SHISA9: variants seen among roughly 807,000 people sequenced by gnomAD.
SHISA9 encodes protein shisa-9.
In SHISA9, 13 loss-of-function variants were observed where a neutral mutation model predicts 38.0. The ratio of observed to expected loss-of-function variants is 0.34; its 90% CI spans 0.22 to 0.54. The LOEUF (loss-of-function observed/expected upper bound fraction) is 0.54, where lower values mean the gene tolerates loss of function less well. Ranked by LOEUF, SHISA9 falls within the 20% of genes least tolerant of loss-of-function variation. SHISA9 has a pLI of 0.91. For missense variants in SHISA9, 538 were observed against 575.8 expected, an observed-to-expected ratio of 0.93 and a Z score of 0.67; for synonymous variants, 275 against 242.0, an observed-to-expected ratio of 1.14 and a Z score of -1.27.
chr16:13,239,224 T>C lies in SHISA9; in HGVS notation c.*3815T>C, dbSNP rs2051414835. ...GTGTATATGTGCCACATTTTCTTAA[T>C]CCAGTCTATCCTTGTTGGACTTTTG... is the stretch of plus-strand genomic sequence containing the variant. On this transcript the variant is annotated 3_prime_UTR_variant, in exon 5 of 5. Coordinates refer to ENST00000558583, the MANE Select transcript of SHISA9 (RefSeq NM_001145204.3). The C allele has an allele frequency of 6.6e-6, 1 of 152,044 alleles. No individual in the cohort carries two copies. The highest frequency in any genetic ancestry group is 1.5e-5 in the Non-Finnish European group (1 of 68,018). 9.4% of individuals were successfully genotyped at this position (152,044 alleles called of 1,614,324 possible).
chr16:13,401,882 G>A, the SHISA9 span, among the ~76,000 whole-genome samples: 1 of 152,100 alleles, frequency 6.6e-6, no homozygotes, highest in African/African-American at 2.4e-5. Context: ...GCCAGGAGAA[G>A]CAAAGGTGGC....
At chr16:13,517,943 A>G in the SHISA9 span, among the ~76,000 whole-genome samples, 1 of 152,140 alleles carries the variant, frequency 6.6e-6, no homozygotes, top group South Asian at 2.1e-4. Context: ...GGCAGGCACC[A>G]TTTACAGAAT....
At chr16:12,925,324 G>A (rs1051527348) in intron 2 of SHISA9, among the ~76,000 whole-genome samples, 5 of 152,074 alleles carry the variant, frequency 3.3e-5, no homozygotes, top group Non-Finnish European at 1.5e-5. Context: ...TAAAACACAT[G>A]AGCTTTTGTT....
chr16:13,027,247 T>C (rs987280890), intron 2 of SHISA9, among the ~76,000 whole-genome samples: 3 of 152,234 alleles, frequency 2.0e-5, no homozygotes, highest in Admixed American at 6.5e-5. Flanking sequence ...ATCAATATTC[T>C]TTCAGTTATA....
chr16:13,123,130 A>T lies in SHISA9; in HGVS notation c.692-80264A>T, dbSNP rs73520683. 7.8e-3 allele frequency among the ~76,000 whole-genome samples: 1,184 copies of T among 151,012 alleles called. 11 individuals are homozygous for T. Among genetic ancestry groups the T allele is most frequent in the African/African-American group, 0.027 (1,129 of 41,276 alleles). Reference sequence around the variant, plus strand: ...ATGTAATGCAAATAAACAGGATAGAACTAGGATTTGAGAACTAGGATATCT... The same window carrying T: ...ATGTAATGCAAATAAACAGGATAGATCTAGGATTTGAGAACTAGGATATCT... On this transcript the variant is annotated intron_variant, in intron 2 of 4. Transcript: ENST00000558583.
chr16:13,143,660 C>T (rs1052172007), intron 2 of SHISA9, among the ~76,000 whole-genome samples: 1 of 152,182 alleles, frequency 6.6e-6, no homozygotes, highest in African/African-American at 2.4e-5. Flanking sequence ...CCATTGAAGA[C>T]AAGAGCCAGC....
chr16:13,393,383 C>G, the SHISA9 span, among the ~76,000 whole-genome samples: 31 of 152,324 alleles, frequency 2.0e-4, 1 homozygote, highest in African/African-American at 7.2e-4. Flanking sequence ...CCAAATGTCT[C>G]ACCAACTTTC....
the SHISA9 span, among the ~76,000 whole-genome samples, chr16:13,345,710 C>A: frequency 1.3e-5 from 2 of 152,082 alleles, no homozygotes; most frequent in Non-Finnish European, 2.9e-5. Context: ...AATTTACATT[C>A]CCACCAACAG....
In SHISA9 at chr16:13,059,542, C is replaced by G. The variant is rs544049928; in HGVS notation, c.691+142727C>G. ...AGGTTCAGGTGGGGAGGGAGAGCAT[C>G]AGGATAAACAGCAAATACATGCGGG... On this transcript the variant is annotated intron_variant, in intron 2 of 4. Coordinates refer to ENST00000558583, the MANE Select transcript of SHISA9 (RefSeq NM_001145204.3). Among the ~76,000 whole-genome samples the G allele has an allele frequency of 1.2e-3, 181 of 152,106 alleles. 2 individuals are homozygous for G. The South Asian group carries it at 0.021, about 17-fold the overall frequency.
chr16:13,309,911 G>C, the SHISA9 span, among the ~76,000 whole-genome samples: 1 of 151,056 alleles, frequency 6.6e-6, no homozygotes, highest in Non-Finnish European at 1.5e-5. Context: ...TTTTGAGACA[G>C]AGTCTCACTC....
chr16:13,241,228 T>C (rs1346932942), downstream of SHISA9, among the ~76,000 whole-genome samples: 1 of 152,138 alleles, frequency 6.6e-6, no homozygotes, highest in African/African-American at 2.4e-5. Context: ...CAAGAATCCC[T>C]AGGCAGCCGG....
the SHISA9 span, among the ~76,000 whole-genome samples, chr16:13,466,180 A>C: frequency 6.6e-6 from 1 of 152,220 alleles, no homozygotes; most frequent in Non-Finnish European, 1.5e-5. Flanking sequence ...ACTAGGAAAC[A>C]CTACAATGAT....
intron 2 of SHISA9, among the ~76,000 whole-genome samples, chr16:12,948,918 A>C (rs564222979): frequency 1.3e-5 from 2 of 152,240 alleles, no homozygotes; most frequent in East Asian, 3.8e-4. Flanking sequence ...TAAGCATTTA[A>C]ATATTATATA....
intron 2 of SHISA9, among the ~76,000 whole-genome samples, chr16:12,965,723 C>G (rs970579116): frequency 6.6e-6 from 1 of 152,168 alleles, no homozygotes; most frequent in African/African-American, 2.4e-5. Flanking sequence ...AGTTTGAGTA[C>G]TGTCCTCTAT....
intron 3 of SHISA9, 63 bp from the exon 4 acceptor site, chr16:13,213,190 G>A: frequency 2.1e-6 from 3 of 1,443,908 alleles, no homozygotes; most frequent in Non-Finnish European, 9.5e-7. Context: ...GGGTGTGAGG[G>A]CATAGTGAAC....
chr16:13,281,985 G>C, the SHISA9 span, among the ~76,000 whole-genome samples: 4 of 151,484 alleles, frequency 2.6e-5, no homozygotes, highest in Non-Finnish European at 4.4e-5. Flanking sequence ...TTTTTATTCA[G>C]TCAGTGCTAA....
At chr16:13,536,424 C>T in the SHISA9 span, among the ~76,000 whole-genome samples, 1 of 152,202 alleles carries the variant, frequency 6.6e-6, no homozygotes, top group East Asian at 1.9e-4. Flanking sequence ...TCTCCTTTGA[C>T]AGGAATTTTG....
intron 2 of SHISA9, among the ~76,000 whole-genome samples, chr16:13,071,880 A>G (rs533761857): frequency 6.6e-6 from 1 of 151,874 alleles, no homozygotes; most frequent in South Asian, 2.1e-4. Context: ...TCCTGAGCTC[A>G]AGTAACCTGC....
chr16:12,916,581 A>C lies in SHISA9; in HGVS notation c.564-107A>C, dbSNP rs1029306415. On this transcript the variant is annotated intron_variant, in intron 1 of 4. Transcript: ENST00000558583. ...CACCCCTAACTAGAATGGTGGCTCCATGGAGTAATCCGCCTTGCCATTTGT... is the reference window on the plus strand; with the variant it reads ...CACCCCTAACTAGAATGGTGGCTCCCTGGAGTAATCCGCCTTGCCATTTGT... The C allele has an allele frequency of 2.3e-6, 3 of 1,322,084 alleles. No homozygotes were observed. The African/African-American group carries it at 4.5e-5, about 20-fold the overall frequency. The allele number at this position is 1,322,084 out of a possible 1,614,324, so 81.9% of individuals were successfully genotyped here. A position where few individuals can be genotyped will look rare whatever the true frequency, so the allele number is the denominator to read the frequency against.
Sources: allele counts gnomAD v4.1 joint callset (sites outside exome capture counted in the v4.1 genomes callset), GRCh38; gene constraint gnomAD v4.1.1; transcripts MANE v1.5; gene names NCBI Gene and HGNC (gene_info 2026-07-23, HGNC 2026-07-21).